Variants in CDH20 observed in about 807,000 individuals in gnomAD.
CDH20 encodes cadherin-20.
Under a neutral mutation model 74.2 loss-of-function variants are expected in CDH20, and 29 were observed. That is an observed-to-expected ratio of 0.39 (90% confidence interval 0.29 to 0.53). The LOEUF (loss-of-function observed/expected upper bound fraction) is 0.53, where lower values mean the gene tolerates loss of function less well. Among genes scored for constraint, CDH20 ranks in the 20% least tolerant of loss-of-function variants. CDH20 has a pLI of 0.69. For missense variants in CDH20, 988 were observed against 1,048.3 expected (o/e 0.94, Z 0.79); for synonymous variants, 469 against 405.4 (o/e 1.16, Z -1.88).
Position 61,507,474 on chromosome 18 carries a change from T to C in CDH20, c.931T>C (p.Tyr311His). The C allele has an allele frequency of 6.2e-7, 1 of 1,613,986 alleles. No individual in the cohort carries two copies. The highest frequency in any genetic ancestry group is 8.5e-7 in the Non-Finnish European group (1 of 1,179,922). ...TGAAGGCATCAATGCAGAGATGAAA[T>C]ATACTATTGTGGATGGAGATGGTGC... ...LDEGINAEMK[Y>H]TIVDGDGADA... The change falls in exon 6 of 12, where the codon TAT becomes CAT. Residue 311 changes from tyrosine (Y) to histidine (H), a missense_variant. Coordinates refer to ENST00000262717, the MANE Select transcript of CDH20 (RefSeq NM_031891.4).
chr18:61,423,205 G>A (rs1401842230), intron 1 of CDH20, among the ~76,000 whole-genome samples: 1 of 152,230 alleles, frequency 6.6e-6, no homozygotes, highest in Admixed American at 6.5e-5. Context: ...CAGCATCAAA[G>A]ATGCAGAAGG....
chr18:61,350,123 G>T (rs969537068), intron 1 of CDH20, among the ~76,000 whole-genome samples: 2 of 151,834 alleles, frequency 1.3e-5, no homozygotes, highest in Non-Finnish European at 2.9e-5. Flanking sequence ...CTCCCACTAG[G>T]TCCCCTCTCT....
rs1415803883 is a variant in CDH20, at chr18:61,490,440, C to T, written c.-114C>T. 1 of 1,034,242 alleles carries T rather than the reference C, an allele frequency of 9.7e-7. No individual in the cohort carries two copies. The highest frequency in any genetic ancestry group is 1.5e-5 in the South Asian group (1 of 65,754). 64.1% of individuals were successfully genotyped at this position (1,034,242 alleles called of 1,614,324 possible). ...AGCAGATTGACTTGAAACGGGATCT[C>T]ATTTAGGAAGCATAAGTGTCCAATC... On this transcript the variant is annotated 5_prime_UTR_variant, in exon 2 of 12. Coordinates refer to ENST00000262717, the MANE Select transcript of CDH20 (RefSeq NM_031891.4).
At chr18:61,460,807 G>A (rs754351994) in intron 1 of CDH20, among the ~76,000 whole-genome samples, 1 of 152,008 alleles carries the variant, frequency 6.6e-6, no homozygotes, top group Non-Finnish European at 1.5e-5. Flanking sequence ...TTTTGCCATT[G>A]TTTTCAATAA....
intron 1 of CDH20, among the ~76,000 whole-genome samples, chr18:61,404,337 G>A (rs529122084): frequency 4.6e-4 from 70 of 152,240 alleles, no homozygotes; most frequent in East Asian, 1.9e-3. Flanking sequence ...ACAGATAGGC[G>A]TATTTTGTCT....
chr18:61,394,099 A>T (rs1229042933), intron 1 of CDH20, among the ~76,000 whole-genome samples: 2 of 152,022 alleles, frequency 1.3e-5, no homozygotes, highest in Non-Finnish European at 2.9e-5. Context: ...ACCTCCCCCA[A>T]GTTCAGGCCC....
At chr18:61,479,555 A>G (rs562778729) in intron 1 of CDH20, among the ~76,000 whole-genome samples, 3 of 152,318 alleles carry the variant, frequency 2.0e-5, no homozygotes, top group Admixed American at 6.5e-5. Flanking sequence ...TCTACTGAGC[A>G]AAGTTATACC....
At chr18:61,449,781 C>A (rs1909320184) in intron 1 of CDH20, among the ~76,000 whole-genome samples, 1 of 151,770 alleles carries the variant, frequency 6.6e-6, no homozygotes, top group Admixed American at 6.6e-5. Flanking sequence ...TATATATACA[C>A]ACACACATAC....
At chr18:61,471,394 A>G (rs1169316603) in intron 1 of CDH20, among the ~76,000 whole-genome samples, 1 of 152,232 alleles carries the variant, frequency 6.6e-6, no homozygotes, top group East Asian at 1.9e-4. Flanking sequence ...CAGAAATTAT[A>G]TCTCCCAGCA....
At chr18:61,387,580 TAC>T (rs1911644970) in intron 1 of CDH20, among the ~76,000 whole-genome samples, 1 of 152,228 alleles carries the variant, frequency 6.6e-6, no homozygotes, top group African/African-American at 2.4e-5. Context: ...GCATGTGATT[TAC>T]AGAGTCAAGT....
At chr18:61,385,248 T>A (rs1911555474) in intron 1 of CDH20, among the ~76,000 whole-genome samples, 1 of 152,122 alleles carries the variant, frequency 6.6e-6, no homozygotes, top group African/African-American at 2.4e-5. Flanking sequence ...ATGCTTACTA[T>A]CACCATGATT....
intron 1 of CDH20, among the ~76,000 whole-genome samples, chr18:61,436,163 A>G (rs1421127297): frequency 6.6e-6 from 1 of 152,188 alleles, no homozygotes; most frequent in African/African-American, 2.4e-5. Flanking sequence ...TATGTATCCA[A>G]TCATCAGTTG....
At chr18:61,528,246 C>T in intron 7 of CDH20, 26 bp downstream of exon 7, 2 of 1,608,942 alleles carry the variant, frequency 1.2e-6, no homozygotes, top group Non-Finnish European at 1.7e-6. Flanking sequence ...TCACCTTTTC[C>T]TTATATGCTG....
chr18:61,502,058 C>T (rs1911402764), intron 4 of CDH20, among the ~76,000 whole-genome samples: 1 of 152,112 alleles, frequency 6.6e-6, no homozygotes, highest in African/African-American at 2.4e-5. Context: ...TGTTCCCAGT[C>T]CCTTCCATTT....
intron 5 of CDH20, 46 bp downstream of exon 5, chr18:61,503,166 C>A: frequency 6.9e-7 from 1 of 1,448,870 alleles, no homozygotes; most frequent in Non-Finnish European, 9.2e-7. Flanking sequence ...CCCAGAGGGA[C>A]GCACCCGTTG....
At chr18:61,462,099 C>T (rs943547751) in intron 1 of CDH20, among the ~76,000 whole-genome samples, 15 of 152,140 alleles carry the variant, frequency 9.9e-5, no homozygotes, top group Admixed American at 5.9e-4. Context: ...GCAAAGGAAG[C>T]AGCCTCTGGT....
intron 1 of CDH20, among the ~76,000 whole-genome samples, chr18:61,393,098 AT>A (rs1911848970): frequency 6.6e-6 from 1 of 152,216 alleles, no homozygotes; most frequent in Non-Finnish European, 1.5e-5. Flanking sequence ...TAAACTGTAA[AT>A]CAGAAATTCA....
rs181923035 is a variant in CDH20, at chr18:61,393,433, C to G, written c.-153+59606C>G. Among the ~76,000 whole-genome samples the G allele has an allele frequency of 5.2e-3, 789 of 152,268 alleles. 5 individuals carry two copies. Among genetic ancestry groups the G allele is most frequent in the Non-Finnish European group, 8.3e-3 (565 of 68,018 alleles). The stretch of plus-strand genomic sequence containing the variant: ...GAAGAATCCAGGCCTTTGCATAGAG[C>G]CCAGCCGTTTCTCCCAGGTAGGCTA... On this transcript the variant is annotated intron_variant, in intron 1 of 11. Transcript: ENST00000262717.
intron 1 of CDH20, among the ~76,000 whole-genome samples, chr18:61,463,370 A>G (rs148205859): frequency 1.3e-5 from 2 of 152,280 alleles, no homozygotes; most frequent in East Asian, 3.9e-4. Flanking sequence ...GAATCTCTAA[A>G]TCAAGGAATG....
Sources: allele counts gnomAD v4.1 joint callset (sites outside exome capture counted in the v4.1 genomes callset), GRCh38; gene constraint gnomAD v4.1.1; transcripts MANE v1.5; gene names NCBI Gene and HGNC (gene_info 2026-07-23, HGNC 2026-07-21).